The following RPS6KA5 variants were observed in gnomAD, a reference collection of about 807,000 sequenced individuals.
The protein encoded by RPS6KA5 is ribosomal protein S6 kinase A5, also known as ribosomal protein S6 kinase alpha-5.
Under a neutral mutation model 85.5 loss-of-function variants are expected in RPS6KA5, and 27 were observed. That is an observed-to-expected ratio of 0.32 (90% CI 0.23 to 0.44). The LOEUF is 0.44. Ranked by LOEUF, RPS6KA5 falls within the 20% of genes least tolerant of loss-of-function variation. The pLI is 1.00. For missense variants in RPS6KA5, 811 were observed against 980.9 expected (o/e 0.83, Z 2.31); for synonymous variants, 334 against 348.2 (o/e 0.96, Z 0.46).
intron 3 of RPS6KA5, among the ~76,000 whole-genome samples, chr14:90,950,896 G>C (rs374635526): frequency 1.2e-4 from 18 of 152,046 alleles, no homozygotes; most frequent in African/African-American, 4.1e-4. Context: ...TGAGGCAGGC[G>C]GATCACTTGA....
At chr14:91,050,917 ACAGGATGATCTTTTAAAGTAAAT>A (rs1368391998) in intron 1 of RPS6KA5, among the ~76,000 whole-genome samples, 1 of 152,172 alleles carries the variant, frequency 6.6e-6, no homozygotes, top group Non-Finnish European at 1.5e-5. Flanking sequence ...CTTTGGTAAA[ACAGGATGATCTTTTAAAGTAAAT>A]CATAGGGTCA....
At chr14:90,964,770 C>A (rs1001750919) in intron 3 of RPS6KA5, among the ~76,000 whole-genome samples, 7 of 151,674 alleles carry the variant, frequency 4.6e-5, no homozygotes, top group South Asian at 2.1e-4. Flanking sequence ...AAAAATTTAG[C>A]CAGGAGTGGT....
Position 91,031,727 on chromosome 14 carries a change from GA to G in RPS6KA5, c.103+28604del, listed in dbSNP as rs200852959. The stretch of plus-strand genomic sequence containing the variant: ...ACCAAAAAAAACTTATTTAAGGAAG[GA>G]AAAAAAACATAAAACACTTGGCCCC... On this transcript the variant is annotated intron_variant, in intron 1 of 16. Coordinates refer to ENST00000614987, the MANE Select transcript of RPS6KA5 (RefSeq NM_004755.4). 2.3e-3 allele frequency among the ~76,000 whole-genome samples: 350 copies of G among 151,474 alleles called. 13 individuals carry two copies. In the East Asian group the frequency reaches 0.057, roughly 25 times the overall value.
At chr14:90,995,697 TA>T (rs1439282629) in intron 2 of RPS6KA5, among the ~76,000 whole-genome samples, 5 of 152,154 alleles carry the variant, frequency 3.3e-5, no homozygotes, top group African/African-American at 1.2e-4. Context: ...TTTTGCCAGG[TA>T]ATCTAAGCAG....
intron 14 of RPS6KA5, among the ~76,000 whole-genome samples, chr14:90,875,581 T>C (rs2033406747): frequency 6.6e-6 from 1 of 152,126 alleles, no homozygotes; most frequent in Admixed American, 6.5e-5. Context: ...TAAATCATGC[T>C]GCTATAAAGA....
chr14:91,041,748 T>A (rs1022593160), intron 1 of RPS6KA5, among the ~76,000 whole-genome samples: 3 of 152,344 alleles, frequency 2.0e-5, no homozygotes, highest in Non-Finnish European at 4.4e-5. Context: ...ATATTTAATA[T>A]CTGTGTACTT....
chr14:91,026,131 A>G (rs148409476), intron 1 of RPS6KA5, among the ~76,000 whole-genome samples: 1 of 152,350 alleles, frequency 6.6e-6, no homozygotes, highest in East Asian at 1.9e-4. Context: ...CTCTTCTAGT[A>G]TAATGGCATC....
chr14:90,970,464 G>A (rs1458577930), intron 3 of RPS6KA5, among the ~76,000 whole-genome samples: 2 of 152,166 alleles, frequency 1.3e-5, no homozygotes, highest in African/African-American at 4.8e-5. Flanking sequence ...CTGTCTACAA[G>A]GCTGGGATGG....
At chr14:90,910,685 ATTTT>A (rs202000247) in intron 7 of RPS6KA5, among the ~76,000 whole-genome samples, 3 of 147,672 alleles carry the variant, frequency 2.0e-5, no homozygotes, top group Non-Finnish European at 3.0e-5. Flanking sequence ...CATTATTATT[ATTTT>A]TTTTTTTTTT....
chr14:90,890,080 G>C lies in RPS6KA5; in HGVS notation c.1836+407C>G, dbSNP rs143060206. On this transcript the variant is annotated intron_variant, in intron 14 of 16. Coordinates refer to ENST00000614987, the MANE Select transcript of RPS6KA5 (RefSeq NM_004755.4). ...TATTTCTAATTTCATCTATTTATTT[G>C]TTAATTTAGCTTAAATGGTATTCTG... Among the ~76,000 whole-genome samples the C allele has an allele frequency of 3.1e-3, 473 of 152,198 alleles. 3 individuals are homozygous for C. Among genetic ancestry groups the C allele is most frequent in the East Asian group, 0.022 (115 of 5,188 alleles).
intron 5 of RPS6KA5, 52 bp from the exon 6 acceptor site, chr14:90,923,248 G>C (rs1338280846): frequency 1.2e-5 from 17 of 1,383,116 alleles, no homozygotes; most frequent in Non-Finnish European, 1.7e-5. Context: ...TATGACAAGT[G>C]ACAAAAGAAG....
At chr14:91,019,316 T>C (rs1349875752) in intron 1 of RPS6KA5, among the ~76,000 whole-genome samples, 4 of 152,190 alleles carry the variant, frequency 2.6e-5, no homozygotes, top group Non-Finnish European at 5.9e-5. Context: ...GTAAAGCAGA[T>C]TGCCCTCTAT....
rs2041715367 is a variant in RPS6KA5, at chr14:91,020,592, G to GTTTA, written c.104-19434_104-19433insTAAA. Among the ~76,000 whole-genome samples the GTTTA allele has an allele frequency of 1.5e-5, 2 of 134,664 alleles. 1 individual carries two copies. Among genetic ancestry groups the GTTTA allele is most frequent in the African/African-American group, 5.6e-5 (2 of 35,738 alleles). The allele number at this position is 134,664 out of a possible 152,430, so 88.3% of individuals were successfully genotyped here. On this transcript the variant is annotated intron_variant, in intron 1 of 16. Coordinates refer to ENST00000614987, the MANE Select transcript of RPS6KA5 (RefSeq NM_004755.4). ...TGTGTGTGTGTGTGTGTTTATATGT[G>GTTTA]TATGTGTATGTATATATCCTATTGT...
intron 3 of RPS6KA5, among the ~76,000 whole-genome samples, chr14:90,959,721 G>A (rs1410732182): frequency 6.6e-6 from 1 of 152,194 alleles, no homozygotes; most frequent in African/African-American, 2.4e-5. Flanking sequence ...CATGGTGAAA[G>A]CGCTTCGTGC....
chr14:90,928,889 T>C (rs2036824389), intron 5 of RPS6KA5, among the ~76,000 whole-genome samples: 1 of 152,026 alleles, frequency 6.6e-6, no homozygotes, highest in African/African-American at 2.4e-5. Flanking sequence ...ATGTGACAAA[T>C]GCAATTTTAT....
At chr14:91,052,833 C>CAAAAAAA (rs200161761) in intron 1 of RPS6KA5, among the ~76,000 whole-genome samples, 1 of 120,252 alleles carries the variant, frequency 8.3e-6, no homozygotes, top group Non-Finnish European at 1.7e-5. Flanking sequence ...ACTCCATCTC[C>CAAAAAAA]AAAAAAAAAA....
chr14:90,951,723 C>T (rs1042433690), intron 3 of RPS6KA5, among the ~76,000 whole-genome samples: 1 of 152,102 alleles, frequency 6.6e-6, no homozygotes. Context: ...GATCATCATC[C>T]TATTTTGCAT....
chr14:90,894,618 C>T lies in RPS6KA5; in HGVS notation c.1474-35G>A, dbSNP rs1337152560. 3 of 1,604,396 alleles carry T rather than the reference C, an allele frequency of 1.9e-6. No individual in the cohort carries two copies. In the African/African-American group the frequency reaches 4.0e-5, roughly 22 times the overall value. On this transcript the variant is annotated intron_variant, in intron 12 of 16. Coordinates refer to ENST00000614987, the MANE Select transcript of RPS6KA5 (RefSeq NM_004755.4). ...AGAAAGAATAACGTGGAGGGCCTTC[C>T]TGAAGCACAGAAGTCTATTAACATA...
At chr14:90,881,760 C>A (rs2033857235) in intron 14 of RPS6KA5, among the ~76,000 whole-genome samples, 1 of 151,944 alleles carries the variant, frequency 6.6e-6, no homozygotes, top group African/African-American at 2.4e-5. Flanking sequence ...CTCGGCCTCC[C>A]AAAGTGCTGG....
Sources: allele counts gnomAD v4.1 joint callset (sites outside exome capture counted in the v4.1 genomes callset), GRCh38; gene constraint gnomAD v4.1.1; transcripts MANE v1.5; gene names NCBI Gene and HGNC (gene_info 2026-07-23, HGNC 2026-07-21).